MRM3: variants seen among roughly 807,000 people sequenced by gnomAD.
MRM3 encodes rRNA methyltransferase 3, mitochondrial.
MRM3 carries 26 observed loss-of-function variants against 29.4 expected under a neutral mutation model. That is an observed-to-expected ratio of 0.89 (90% CI 0.65 to 1.23). The LOEUF (loss-of-function observed/expected upper bound fraction) is 1.23. Ranked by LOEUF, MRM3 falls within the 50% of genes most tolerant of loss-of-function variation. The pLI is 0.00. For missense variants in MRM3, 578 were observed against 540.2 expected (o/e 1.07, Z -0.69); for synonymous variants, 225 against 219.0 (o/e 1.03, Z -0.24).
In MRM3 at chr17:782,506, C is replaced by A. The variant is rs536301279; in HGVS notation, c.128C>A (p.Pro43His). The change falls in exon 1 of 4, where the codon CCT becomes CAT. Residue 43 changes from proline (P) to histidine (H), a missense_variant. Pro to His is a moderately conservative substitution (Grantham distance 77, BLOSUM62 -2). Coordinates refer to ENST00000304478, the MANE Select transcript of MRM3 (RefSeq NM_018146.4). ...LRRSPVKVVF[P>H]SGEVVEQKRA... The stretch of plus-strand genomic sequence containing the variant: ...CGGAGCCCAGTGAAAGTGGTGTTTC[C>A]TTCCGGAGAGGTGGTGGAACAGAAG... The A allele has an allele frequency of 3.4e-4, 543 of 1,613,534 alleles. 6 individuals are homozygous for A. The South Asian group carries it at 5.5e-3, about 16-fold the overall frequency.
chr17:792,222 C>A lies in MRM3; in HGVS notation c.*153C>A. On this transcript the variant is annotated 3_prime_UTR_variant, in exon 4 of 4. Coordinates refer to ENST00000304478, the MANE Select transcript of MRM3 (RefSeq NM_018146.4). ...GTTACAGGAAAAATAAGAACTTCCT[C>A]AGAAAGAACAGGTCCGAATTCTTCC... 2 of 715,700 alleles carry A rather than the reference C, an allele frequency of 2.8e-6. No individual in the cohort carries two copies. The highest frequency in any genetic ancestry group is 4.4e-6 in the Non-Finnish European group (2 of 449,480). 44.3% of individuals were successfully genotyped at this position (715,700 alleles called of 1,614,324 possible). A position where few individuals can be genotyped will look rare whatever the true frequency, so the allele number is the denominator to read the frequency against.
chr17:783,510 T>C, intron 2 of MRM3, 183 bp downstream of exon 2: 1 of 528,154 alleles, frequency 1.9e-6, no homozygotes, highest in Non-Finnish European at 3.2e-6. Context: ...GTGATTTTTG[T>C]ATTTTTAGTA....
chr17:788,237 G>T lies in MRM3; in HGVS notation c.727+105G>T, dbSNP rs1910631310. 6.4e-6 allele frequency: 7 copies of T among 1,102,194 alleles called. No homozygotes were observed. The South Asian group carries it at 8.6e-5, about 14-fold the overall frequency. The allele number at this position is 1,102,194 out of a possible 1,614,324, so 68.3% of individuals were successfully genotyped here. On this transcript the variant is annotated intron_variant, in intron 3 of 3. Coordinates refer to ENST00000304478, the MANE Select transcript of MRM3 (RefSeq NM_018146.4). ...GAGCCCAGGAGTTCAGGACCATCCTGGGCAACATAGTGAGACCTCATCTCT... is the reference window on the plus strand; with the variant it reads ...GAGCCCAGGAGTTCAGGACCATCCTTGGCAACATAGTGAGACCTCATCTCT...
intron 3 of MRM3, among the ~76,000 whole-genome samples, chr17:789,431 CTT>C (rs1002986301): frequency 2.6e-5 from 4 of 152,294 alleles, no homozygotes; most frequent in Admixed American, 1.3e-4. Context: ...ATTTCTGTCT[CTT>C]CTCATCAGAA....
In MRM3 at chr17:782,696, A is replaced by T; in HGVS notation, c.314+4A>T. 6.3e-7 allele frequency: 1 copy of T among 1,594,320 alleles called. No individual in the cohort carries two copies. The highest frequency in any genetic ancestry group is 1.7e-5 in the Admixed American group (1 of 59,032). On this transcript the variant is annotated splice_donor_region_variant and intron_variant, in intron 1 of 3. Transcript: ENST00000304478. ...ATCCCGGGGACAGGAGGCTGAGGTG[A>T]TGTGGTTCTTGAGCCTGTCGAATGT...
At chr17:789,857 G>A (rs1371427140) in intron 3 of MRM3, 1 of 152,228 alleles carries the variant, frequency 6.6e-6, no homozygotes, top group East Asian at 1.9e-4. Context: ...ACTTGGTGTG[G>A]TGCCCAGTAT....
Position 782,992 on chromosome 17 carries a change from C to T in MRM3, c.315-91C>T, listed in dbSNP as rs1019285065. 7.3e-6 allele frequency: 11 copies of T among 1,499,288 alleles called. No homozygotes were observed. In the African/African-American group the frequency reaches 1.4e-4, roughly 19 times the overall value. 92.9% of individuals were successfully genotyped at this position (1,499,288 alleles called of 1,614,324 possible). ...CGTGAGCCACCGCGCCCGGCCCTCT[C>T]CGTAGCTCTTTATTTCTGTTACAAC... On this transcript the variant is annotated intron_variant, in intron 1 of 3. Coordinates refer to ENST00000304478, the MANE Select transcript of MRM3 (RefSeq NM_018146.4).
chr17:782,968 G>A (rs1435934123), intron 1 of MRM3, 115 bp from the exon 2 acceptor site: 4 of 1,431,424 alleles, frequency 2.8e-6, no homozygotes, highest in Non-Finnish European at 3.7e-6. Context: ...GATTACAGGC[G>A]TGAGCCACCG....
In MRM3 at chr17:787,300, C is replaced by T. The variant is rs913636910; in HGVS notation, c.560-665C>T. On this transcript the variant is annotated intron_variant, in intron 2 of 3. Coordinates refer to ENST00000304478, the MANE Select transcript of MRM3 (RefSeq NM_018146.4). This position sits in a 1 kb window ranked among gnomAD's most constrained non-coding sequence, Gnocchi z 4.1. The stretch of plus-strand genomic sequence containing the variant: ...GTTAAAGGAAAAAAGTAGCTTCAAA[C>T]ATATTGACATGGTAAGTTCAAGATA... 3.3e-5 allele frequency among the ~76,000 whole-genome samples: 5 copies of T among 152,096 alleles called. No individual in the cohort carries two copies. The highest frequency in any genetic ancestry group is 1.2e-4 in the African/African-American group (5 of 41,418).
intron 2 of MRM3, among the ~76,000 whole-genome samples, chr17:785,523 T>C (rs972495237): frequency 6.6e-6 from 1 of 152,246 alleles, no homozygotes; most frequent in Non-Finnish European, 1.5e-5. Flanking sequence ...GACCCCATTT[T>C]ACTCCTTTGT....
chr17:790,995 TGCCGCCAC>T (rs1910791890), intron 3 of MRM3, among the ~76,000 whole-genome samples: 1 of 150,596 alleles, frequency 6.6e-6, no homozygotes, highest in Admixed American at 6.6e-5. Flanking sequence ...TCACCTCCTG[TGCCGCCAC>T]AGCGCCACCG....
At position 791,467 on chromosome 17, in the gene MRM3, C is replaced by T. The variant is rs1910814347; in HGVS notation, c.728-67C>T. ...ATCTCCTGATCCAAAATTGATCAGA[C>T]TTACTCCACAGTCCCCTGGTCTGGG... is the stretch of plus-strand genomic sequence containing the variant. On this transcript the variant is annotated intron_variant, in intron 3 of 3. Coordinates refer to ENST00000304478, the MANE Select transcript of MRM3 (RefSeq NM_018146.4). 4.0e-6 allele frequency: 6 copies of T among 1,515,808 alleles called. No homozygotes were observed. The African/African-American group carries it at 8.3e-5, about 21-fold the overall frequency. 93.9% of individuals were successfully genotyped at this position (1,515,808 alleles called of 1,614,324 possible).
At chr17:788,584 C>T (rs1004652440) in intron 3 of MRM3, among the ~76,000 whole-genome samples, 1 of 150,792 alleles carries the variant, frequency 6.6e-6, no homozygotes, top group South Asian at 2.1e-4. Flanking sequence ...TCCCAAAGTG[C>T]TGGAATTATA....
intron 3 of MRM3, among the ~76,000 whole-genome samples, chr17:788,472 CTT>C (rs56865712): frequency 7.7e-4 from 93 of 121,004 alleles, no homozygotes; most frequent in African/African-American, 1.9e-3. Flanking sequence ...TTGGTCTGGT[CTT>C]TTTTTTTTTT....
Position 783,147 on chromosome 17 carries a change from G to A in MRM3, c.379G>A (p.Gly127Ser). The A allele has an allele frequency of 4.3e-6, 7 of 1,614,110 alleles. No individual in the cohort carries two copies. Among genetic ancestry groups the A allele is most frequent in the Non-Finnish European group, 5.9e-6 (7 of 1,180,018 alleles). Reference protein sequence around the residue: ...REKQGKILLEGRRLISDALKA... With the variant: ...REKQGKILLESRRLISDALKA... ...AAAACAAGGGAAGATCCTGCTGGAAGGTCGCAGGCTCATTTCAGACGCTCT... is the reference window on the plus strand; with the variant it reads ...AAAACAAGGGAAGATCCTGCTGGAAAGTCGCAGGCTCATTTCAGACGCTCT... Residue 127 changes from glycine to serine, a missense_variant, in exon 2 of 4, where the codon GGT becomes AGT. By Grantham distance (56) the Gly-to-Ser change is moderately conservative. Transcript: ENST00000304478.
chr17:791,958 T>G lies in MRM3; in HGVS notation c.1152T>G (p.Pro384=). 6.2e-7 allele frequency: 1 copy of G among 1,614,052 alleles called. No homozygotes were observed. Among genetic ancestry groups the G allele is most frequent in the Non-Finnish European group, 8.5e-7 (1 of 1,180,034 alleles). The change falls in exon 4 of 4, where the codon CCT becomes CCG. Residue 384 remains proline, a synonymous_variant. Transcript: ENST00000304478. ...GGKRLLIPVV[P]GVDSLNSAMA... ...AGAGGCTGCTGATCCCCGTTGTGCC[T>G]GGTGTGGACAGCCTCAACTCGGCCA...
chr17:783,602 G>C (rs1910361652), intron 2 of MRM3: 1 of 310,602 alleles, frequency 3.2e-6, no homozygotes, highest in Non-Finnish European at 6.3e-6. Context: ...CTCCCAAAGT[G>C]CTGGGATTAC....
chr17:789,886 G>C (rs190182901), intron 3 of MRM3: 1 of 152,204 alleles, frequency 6.6e-6, no homozygotes, highest in South Asian at 2.1e-4. Flanking sequence ...TGAGGATGAC[G>C]GGAGGAGTCT....
In MRM3 at chr17:792,150, T is replaced by C. The variant is rs1186272275; in HGVS notation, c.*81T>C. On this transcript the variant is annotated 3_prime_UTR_variant, in exon 4 of 4. Transcript: ENST00000304478. ...ACTGGTGGGAGGCTGGCGGAGTCAGTGACTATGGCCCCCACGTTCAGGAGG... is the reference window on the plus strand; with the variant it reads ...ACTGGTGGGAGGCTGGCGGAGTCAGCGACTATGGCCCCCACGTTCAGGAGG... 1.4e-6 allele frequency: 2 copies of C among 1,394,202 alleles called. No homozygotes were observed. The highest frequency in any genetic ancestry group is 2.0e-6 in the Non-Finnish European group (2 of 1,023,984). 86.4% of individuals were successfully genotyped at this position (1,394,202 alleles called of 1,614,324 possible).
Sources: allele counts gnomAD v4.1 joint callset (sites outside exome capture counted in the v4.1 genomes callset), GRCh38; gene constraint gnomAD v4.1.1; non-coding constraint Gnocchi (gnomAD v3.1); transcripts MANE v1.5; gene names NCBI Gene and HGNC (gene_info 2026-07-23, HGNC 2026-07-21).